Variants in IKZF3 observed in about 807,000 individuals in gnomAD.
The protein encoded by IKZF3 is IKAROS family zinc finger 3, also known as zinc finger protein Aiolos.
In IKZF3, 10 loss-of-function variants were observed where a neutral mutation model predicts 49.0. The ratio of observed to expected loss-of-function variants is 0.20; its 90% confidence interval spans 0.13 to 0.35. The LOEUF (loss-of-function observed/expected upper bound fraction) is 0.35. Among genes scored for constraint, IKZF3 ranks in the 10% least tolerant of loss-of-function variants. The pLI is 1.00. For synonymous variants in IKZF3, 209 were observed against 228.2 expected (o/e 0.92, Z 0.76); for missense variants, 498 against 664.8 (o/e 0.75, Z 2.76).
At chr17:39,846,483 C>A in intron 1 of IKZF3, among the ~76,000 whole-genome samples, 1 of 143,544 alleles carries the variant, frequency 7.0e-6, no homozygotes. Context: ...TTTAAGATAC[C>A]AAGGTTTTTT....
chr17:39,763,630 G>A lies in IKZF3; in HGVS notation c.*2160C>T, dbSNP rs2060225886. 1 of 152,106 alleles carries A rather than the reference G, an allele frequency of 6.6e-6. No individual in the cohort carries two copies. Among genetic ancestry groups the A allele is most frequent in the South Asian group, 2.1e-4 (1 of 4,832 alleles). The allele number at this position is 152,106 out of a possible 1,614,324, so 9.4% of individuals were successfully genotyped here. ...TCACATTCACAACTCAGTGGTTAAA[G>A]GAAAAACTTAACACACCATTTTCAT... On this transcript the variant is annotated 3_prime_UTR_variant, in exon 8 of 8. Coordinates refer to ENST00000346872, the MANE Select transcript of IKZF3 (RefSeq NM_012481.5).
At chr17:39,802,602 G>A (rs1470918137) in intron 3 of IKZF3, among the ~76,000 whole-genome samples, 1 of 140,862 alleles carries the variant, frequency 7.1e-6, no homozygotes, top group Non-Finnish European at 1.5e-5. Context: ...GCGAGACCCT[G>A]TCTCAAAAAA....
chr17:39,799,602 C>T (rs1277611411), intron 3 of IKZF3, among the ~76,000 whole-genome samples: 1 of 152,190 alleles, frequency 6.6e-6, no homozygotes, highest in Non-Finnish European at 1.5e-5. Flanking sequence ...GCTCAGGCCT[C>T]AACCTAGACC....
chr17:39,782,046 A>C (rs1396396911), intron 6 of IKZF3, among the ~76,000 whole-genome samples: 3 of 152,204 alleles, frequency 2.0e-5, no homozygotes, highest in Non-Finnish European at 4.4e-5. Context: ...TATTAACTAC[A>C]AGAGCTCCAC....
At chr17:39,776,029 T>C (rs1471622471) in intron 7 of IKZF3, among the ~76,000 whole-genome samples, 6 of 152,132 alleles carry the variant, frequency 3.9e-5, no homozygotes, top group Admixed American at 3.9e-4. Flanking sequence ...TTCAGCCATT[T>C]CTAGAGTCAA....
In IKZF3 at chr17:39,765,948, G is replaced by A. The variant is rs767551754; in HGVS notation, c.1372C>T (p.Arg458Cys). The change falls in exon 8 of 8, where the codon CGC becomes TGC. Residue 458 changes from arginine (R) to cysteine (C), a missense_variant. Transcript: ENST00000346872. ...ATCACATAGTCCAGGAAGAGGACGC[G>A]GCAGTGGTCACACCGATACACATCC... ...VMDVYRCDHC[R>C]VLFLDYVMFT... 35 of 1,614,104 alleles carry A rather than the reference G, an allele frequency of 2.2e-5. No homozygotes were observed. The highest frequency in any genetic ancestry group is 2.7e-5 in the African/African-American group (2 of 74,936).
At chr17:39,858,737 G>T (rs1334059723) in intron 1 of IKZF3, among the ~76,000 whole-genome samples, 4 of 151,894 alleles carry the variant, frequency 2.6e-5, no homozygotes, top group Non-Finnish European at 5.9e-5. Flanking sequence ...TATGGTATTG[G>T]TATTTAATAT....
At chr17:39,781,292 G>T (rs1567972769) in intron 6 of IKZF3, among the ~76,000 whole-genome samples, 1 of 152,196 alleles carries the variant, frequency 6.6e-6, no homozygotes, top group Non-Finnish European at 1.5e-5. Context: ...AGTTCCTGGG[G>T]CTGTTAGGAG....
chr17:39,850,369 A>G lies in IKZF3; in HGVS notation c.7+13751T>C, dbSNP rs1052414918. 1.9e-3 allele frequency among the ~76,000 whole-genome samples: 238 copies of G among 127,844 alleles called. 1 individual carries two copies. The highest frequency in any genetic ancestry group is 7.7e-3 in the African/African-American group (225 of 29,052). The allele number at this position is 127,844 out of a possible 152,430, so 83.9% of individuals were successfully genotyped here. ...GTACATATAATATATAGCATATTATATATGTATATATAATATATAGCATAT... is the reference window on the plus strand; with the variant it reads ...GTACATATAATATATAGCATATTATGTATGTATATATAATATATAGCATAT... On this transcript the variant is annotated intron_variant, in intron 1 of 7. Transcript: ENST00000346872.
chr17:39,824,663 TAGTG>T (rs1177610088), intron 3 of IKZF3, among the ~76,000 whole-genome samples: 3 of 151,944 alleles, frequency 2.0e-5, no homozygotes, highest in East Asian at 3.9e-4. Flanking sequence ...GGTCTTGTGA[TAGTG>T]AGTGAGTTCT....
At chr17:39,813,473 C>T (rs913469675) in intron 3 of IKZF3, among the ~76,000 whole-genome samples, 1 of 151,112 alleles carries the variant, frequency 6.6e-6, no homozygotes, top group East Asian at 2.0e-4. Flanking sequence ...AGCGAGACCC[C>T]GTATCTACAG....
chr17:39,833,452 A>C (rs1421820207), intron 1 of IKZF3, among the ~76,000 whole-genome samples: 2 of 152,160 alleles, frequency 1.3e-5, no homozygotes, highest in Non-Finnish European at 2.9e-5. Flanking sequence ...TACTGTTTTG[A>C]CTTTTTCCAC....
intron 7 of IKZF3, among the ~76,000 whole-genome samples, 153 bp downstream of exon 7, chr17:39,777,498 A>C (rs2060619474): frequency 6.6e-6 from 1 of 152,236 alleles, no homozygotes; most frequent in Non-Finnish European, 1.5e-5. Flanking sequence ...TTCCAGAGCT[A>C]TCAGAATGAA....
intron 1 of IKZF3, among the ~76,000 whole-genome samples, chr17:39,857,409 T>G (rs926198346): frequency 2.0e-5 from 3 of 152,222 alleles, no homozygotes; most frequent in African/African-American, 7.2e-5. Context: ...TCAAATTAAG[T>G]GATGTTCAAC....
In IKZF3 at chr17:39,829,416, C is replaced by T. The variant is rs751787488; in HGVS notation, c.134G>A (p.Gly45Asp). ...TATGTCTTCATCTTCATTGGCTGGG[C>T]CTTCTCCACTGTCCACATTTTCCAT... ...HEMENVDSGE[G>D]PANEDEDIGD... is the part of the protein sequence containing the mutation. The change falls in exon 3 of 8, where the codon GGC becomes GAC. Residue 45 changes from glycine (G) to aspartate (D), a missense_variant. Gly to Asp is a moderately conservative substitution (Grantham distance 94, BLOSUM62 -1). This residue lies in a region of IKZF3 where 97 missense variants were observed against 98.9 expected (regional missense o/e 0.98). Transcript: ENST00000346872. 1.2e-6 allele frequency: 2 copies of T among 1,613,874 alleles called. No individual in the cohort carries two copies. The highest frequency in any genetic ancestry group is 8.5e-7 in the Non-Finnish European group (1 of 1,179,772).
chr17:39,834,948 G>A, intron 1 of IKZF3: 1 of 376,532 alleles, frequency 2.7e-6, no homozygotes, highest in South Asian at 2.2e-5. Flanking sequence ...GGCTGGGAGG[G>A]GCTGCTATGG....
chr17:39,764,888 T>C lies in IKZF3; in HGVS notation c.*902A>G, dbSNP rs1452239273. The C allele has an allele frequency of 6.6e-6, 1 of 152,376 alleles. No homozygotes were observed. The highest frequency in any genetic ancestry group is 2.4e-5 in the African/African-American group (1 of 41,458). The allele number at this position is 152,376 out of a possible 1,614,324, so 9.4% of individuals were successfully genotyped here. ...CATTGGCAAATTTGCTTTGGGTCTGTATCACCAATTCTCCATGAACTCTTT... is the reference window on the plus strand; with the variant it reads ...CATTGGCAAATTTGCTTTGGGTCTGCATCACCAATTCTCCATGAACTCTTT... On this transcript the variant is annotated 3_prime_UTR_variant, in exon 8 of 8. Transcript: ENST00000346872.
chr17:39,844,408 C>A (rs1016620993), intron 1 of IKZF3, among the ~76,000 whole-genome samples: 3 of 152,110 alleles, frequency 2.0e-5, no homozygotes, highest in Non-Finnish European at 4.4e-5. Flanking sequence ...TTTACCCTTC[C>A]CCCTGACTAT....
intron 2 of IKZF3, among the ~76,000 whole-genome samples, chr17:39,830,441 T>A (rs553832404): frequency 6.6e-6 from 1 of 152,230 alleles, no homozygotes; most frequent in East Asian, 1.9e-4. Context: ...GACAAAGGAT[T>A]AAATAAAGGA....
Sources: gnomAD v4.1 joint callset for allele counts (sites outside exome capture counted in the v4.1 genomes callset) on GRCh38, gnomAD v4.1.1 for gene constraint, gnomAD v4.1.1 regional missense constraint, MANE v1.5 for transcripts, NCBI Gene and HGNC (gene_info 2026-07-23, HGNC 2026-07-21) for gene names.